Variants in PACS2 observed in about 807,000 individuals in gnomAD.
The protein encoded by PACS2 is phosphofurin acidic cluster sorting protein 2.
In PACS2, 36 loss-of-function variants were observed where a neutral mutation model predicts 113.0. That is an observed-to-expected ratio of 0.32 (90% CI 0.24 to 0.42). PACS2 has a LOEUF of 0.42. Ranked by LOEUF, PACS2 falls within the 10% of genes least tolerant of loss-of-function variation. The pLI is 1.00. For missense variants in PACS2, 1,015 were observed against 1,239.5 expected, an observed-to-expected ratio of 0.82 and a Z score of 2.72; for synonymous variants, 589 against 536.1, an observed-to-expected ratio of 1.10 and a Z score of -1.36.
At position 105,383,656 on chromosome 14, in the gene PACS2, G is replaced by T. The variant is rs1007036996; in HGVS notation, c.1780+143G>T. 23 of 667,582 alleles carry T rather than the reference G, an allele frequency of 3.4e-5. 1 individual carries two copies. Among genetic ancestry groups the T allele is most frequent in the Non-Finnish European group, 4.2e-5 (17 of 403,702 alleles). 41.4% of individuals were successfully genotyped at this position (667,582 alleles called of 1,614,324 possible). On this transcript the variant is annotated intron_variant, in intron 16 of 24. Coordinates refer to ENST00000447393, the MANE Select transcript of PACS2 (RefSeq NM_001100913.3). Reference sequence around the variant, plus strand: ...GTGGTGTGGCGCGGTGTGGCATGGCGTGGTGTCCCTGCTTGCTACACATTT... The same window carrying T: ...GTGGTGTGGCGCGGTGTGGCATGGCTTGGTGTCCCTGCTTGCTACACATTT...
intron 8 of PACS2, chr14:105,373,057 A>G (rs2061215489): frequency 6.6e-6 from 1 of 152,268 alleles, no homozygotes; most frequent in African/African-American, 2.4e-5. Context: ...CAGTGAAACT[A>G]TGAAACATTT....
rs989218084 is a variant in PACS2 at position 105,315,149 on chromosome 14, G to C, written c.119+112G>C. On this transcript the variant is annotated intron_variant, in intron 1 of 24. Coordinates refer to ENST00000447393, the MANE Select transcript of PACS2 (RefSeq NM_001100913.3). This position sits in a 1 kb window ranked among gnomAD's most constrained non-coding sequence, Gnocchi z 4.4. Reference sequence around the variant, plus strand: ...CGGGTCCCCCAGCGGAGCCCAGGTCGCCCCCCGCGCCCCCGCCCGCCGGTT... The same window carrying C: ...CGGGTCCCCCAGCGGAGCCCAGGTCCCCCCCCGCGCCCCCGCCCGCCGGTT... 5.4e-6 allele frequency: 3 copies of C among 556,984 alleles called. No homozygotes were observed. The highest frequency in any genetic ancestry group is 7.0e-6 in the Non-Finnish European group (3 of 430,690). The allele number at this position is 556,984 out of a possible 1,614,324, so 34.5% of individuals were successfully genotyped here.
At chr14:105,338,461 C>T (rs117755894) in intron 1 of PACS2, among the ~76,000 whole-genome samples, 222 of 152,290 alleles carry the variant, frequency 1.5e-3, no homozygotes, top group Non-Finnish European at 2.1e-3. Flanking sequence ...TACTTTCCCA[C>T]CTTGTTCCTT....
chr14:105,391,364 C>T, intron 21 of PACS2, 115 bp downstream of exon 21: 1 of 806,234 alleles, frequency 1.2e-6, no homozygotes, highest in South Asian at 1.5e-5. Context: ...GCCGCCACGT[C>T]CCAGTCTTGC....
rs1555405068 is a variant in PACS2 at position 105,355,055 on chromosome 14, C to T, written c.301C>T (p.Pro101Ser). Residue 101 changes from proline to serine, a missense_variant, in exon 4 of 25, where the codon CCT becomes TCT. By Grantham distance (74) the Pro-to-Ser change is moderately conservative. Coordinates refer to ENST00000447393, the MANE Select transcript of PACS2 (RefSeq NM_001100913.3). This position sits in a 1 kb window ranked among gnomAD's most constrained non-coding sequence, Gnocchi z 4.1. ...DLALTFSLQY[P>S]HFLKREGNKL... ...CCACTCGCACTTGTGCCCACAGTAT[C>T]CTCACTTCTTGAAGAGGGAAGGCAA... The T allele has an allele frequency of 1.2e-6, 2 of 1,613,010 alleles. No individual in the cohort carries two copies. Among genetic ancestry groups the T allele is most frequent in the East Asian group, 2.2e-5 (1 of 44,872 alleles).
chr14:105,384,090 G>C, intron 16 of PACS2: 1 of 477,036 alleles, frequency 2.1e-6, no homozygotes, highest in East Asian at 3.9e-5. Context: ...GCCTCTGCAC[G>C]GTCACATGTG....
At chr14:105,353,643 A>G (rs1186263744) in intron 3 of PACS2, among the ~76,000 whole-genome samples, 1 of 151,888 alleles carries the variant, frequency 6.6e-6, no homozygotes, top group Non-Finnish European at 1.5e-5. Context: ...TCTCCTTGTC[A>G]CCCAGGCTGG....
intron 1 of PACS2, among the ~76,000 whole-genome samples, chr14:105,344,751 C>A (rs767052352): frequency 1.9e-4 from 29 of 152,144 alleles, no homozygotes; most frequent in South Asian, 1.0e-3. Flanking sequence ...TTAGTTGTTC[C>A]TCTTTATCAT....
chr14:105,378,884 C>T (rs1480797569), intron 9 of PACS2, among the ~76,000 whole-genome samples: 1 of 152,098 alleles, frequency 6.6e-6, no homozygotes, highest in Admixed American at 6.5e-5. Flanking sequence ...CATGGGTGGC[C>T]TGGATCAGCC....
In PACS2 at chr14:105,315,659, G is replaced by T. The variant is rs919393871; in HGVS notation, c.119+622G>T. On this transcript the variant is annotated intron_variant, in intron 1 of 24. Transcript: ENST00000447393. This position sits in a 1 kb window ranked among gnomAD's most constrained non-coding sequence, Gnocchi z 4.4. ...CGGAAGACTGGCTGTTCTGCACTTG[G>T]TAGGGGGGCGCCCGGTCGCCCAGCG... 4.6e-5 allele frequency: 7 copies of T among 152,268 alleles called. No individual in the cohort carries two copies. The highest frequency in any genetic ancestry group is 1.7e-4 in the African/African-American group (7 of 41,456). 9.4% of individuals were successfully genotyped at this position (152,268 alleles called of 1,614,324 possible).
intron 1 of PACS2, among the ~76,000 whole-genome samples, chr14:105,303,898 T>G (rs72711569): frequency 6.6e-6 from 1 of 152,168 alleles, no homozygotes; most frequent in Non-Finnish European, 1.5e-5. Flanking sequence ...AGGGAGCCCT[T>G]GAGGATGTGA....
intron 1 of PACS2, among the ~76,000 whole-genome samples, chr14:105,338,299 G>A (rs1291252514): frequency 6.6e-6 from 1 of 152,198 alleles, no homozygotes; most frequent in African/African-American, 2.4e-5. Flanking sequence ...TTTCTGCTGA[G>A]TCAGGTTTCT....
Position 105,329,122 on chromosome 14 carries a change from G to A in PACS2, c.119+14085G>A, listed in dbSNP as rs934387311. Among the ~76,000 whole-genome samples the A allele has an allele frequency of 3.3e-5, 5 of 152,220 alleles. No individual in the cohort carries two copies. Among genetic ancestry groups the A allele is most frequent in the Non-Finnish European group, 4.4e-5 (3 of 68,032 alleles). ...GGCCCTGCGCCCTGGAGGCCAGCAT[G>A]GCCCTGGTGCTGGCTACATCCTCTG... On this transcript the variant is annotated intron_variant, in intron 1 of 24. Coordinates refer to ENST00000447393, the MANE Select transcript of PACS2 (RefSeq NM_001100913.3). The surrounding 1 kb of genome is among the most constrained non-coding windows in gnomAD (Gnocchi z 6.4).
At chr14:105,308,747 C>T (rs1196619448) in intron 1 of PACS2, among the ~76,000 whole-genome samples, 1 of 152,006 alleles carries the variant, frequency 6.6e-6, no homozygotes, top group Non-Finnish European at 1.5e-5. Context: ...CCCCAAAGTG[C>T]TGGGATTACA....
At chr14:105,367,409 T>C (rs782306767) in intron 5 of PACS2, 34 bp downstream of exon 5, 1 of 1,600,300 alleles carries the variant, frequency 6.2e-7, no homozygotes, top group South Asian at 1.1e-5. Flanking sequence ...CTGCCCCTGC[T>C]GTGGGGAGGC....
rs2060342631 is a variant in PACS2, at chr14:105,354,212, G to A, written c.298-840G>A. On this transcript the variant is annotated intron_variant, in intron 3 of 24. Coordinates refer to ENST00000447393, the MANE Select transcript of PACS2 (RefSeq NM_001100913.3). This position sits in a 1 kb window ranked among gnomAD's most constrained non-coding sequence, Gnocchi z 4.2. ...ACAAGCAATCCCAGCTCTTCGGGAG[G>A]CTGAGGCAGGAGGATTGCTTGAACC... Among the ~76,000 whole-genome samples the A allele has an allele frequency of 6.6e-6, 1 of 152,170 alleles. No individual in the cohort carries two copies. The highest frequency in any genetic ancestry group is 2.4e-5 in the African/African-American group (1 of 41,462).
rs1555414854 is a variant in PACS2 at position 105,391,643 on chromosome 14, A to C, written c.2132A>C (p.Asp711Ala). The C allele has an allele frequency of 3.7e-6, 6 of 1,609,932 alleles. No homozygotes were observed. Among genetic ancestry groups the C allele is most frequent in the Non-Finnish European group, 5.1e-6 (6 of 1,179,450 alleles). ...CTCCTCCCCAAAGGCGACTCGGACG[A>C]CGCGGCCCCCTCGGGCTCTGGCACG... ...PSSATSGDSD[D>A]AAPSGSGTLS... is the part of the protein sequence containing the mutation. The change falls in exon 22 of 25, where the codon GAC (aspartate) becomes GCC (alanine). Residue 711 changes from aspartate to alanine, a missense_variant. This residue lies in a region of PACS2 where 859 missense variants were observed against 1,056.8 expected (regional missense o/e 0.81). Coordinates refer to ENST00000447393, the MANE Select transcript of PACS2 (RefSeq NM_001100913.3).
rs1158332998 is a variant in PACS2, at chr14:105,381,116, G to A, written c.1268+17G>A. The A allele has an allele frequency of 5.0e-6, 8 of 1,601,176 alleles. No individual in the cohort carries two copies. Among genetic ancestry groups the A allele is most frequent in the East Asian group, 4.5e-5 (2 of 44,634 alleles). ...CTCCACCAGGTGATGGGGGCTGCAC[G>A]GCGGGGCGGGGCGGTGATGCACCTG... On this transcript the variant is annotated intron_variant, in intron 12 of 24. Coordinates refer to ENST00000447393, the MANE Select transcript of PACS2 (RefSeq NM_001100913.3).
intron 2 of PACS2, among the ~76,000 whole-genome samples, chr14:105,351,013 C>T (rs1000044446): frequency 2.6e-5 from 4 of 152,174 alleles, no homozygotes; most frequent in African/African-American, 7.2e-5. Flanking sequence ...GCGGGCCGCC[C>T]GCACCTGTCC....
Sources: gnomAD v4.1 joint callset for allele counts (sites outside exome capture counted in the v4.1 genomes callset) on GRCh38, gnomAD v4.1.1 for gene constraint, gnomAD v4.1.1 regional missense constraint, Gnocchi (gnomAD v3.1) non-coding constraint, MANE v1.5 for transcripts, NCBI Gene and HGNC (gene_info 2026-07-23, HGNC 2026-07-21) for gene names.